CNTNAP2: variants seen among roughly 807,000 people sequenced by gnomAD.
CNTNAP2 encodes the protein contactin-associated protein-like 2.
A neutral mutation model predicts 155.2 loss-of-function variants in CNTNAP2; 98 were observed. That is an observed-to-expected ratio of 0.63 (90% CI 0.54 to 0.75). The LOEUF (loss-of-function observed/expected upper bound fraction) is 0.75. Among genes scored for constraint, CNTNAP2 ranks in the 30% least tolerant of loss-of-function variants. The pLI is 0.00. For synonymous variants in CNTNAP2, 651 were observed against 631.2 expected, an observed-to-expected ratio of 1.03 and a Z score of -0.47; for missense variants, 1,727 against 1,688.1, an observed-to-expected ratio of 1.02 and a Z score of -0.40.
intron 20 of CNTNAP2, among the ~76,000 whole-genome samples, chr7:148,263,751 G>A (rs1554409389): frequency 3.7e-4 from 51 of 138,972 alleles, no homozygotes; most frequent in African/African-American, 6.5e-4. Flanking sequence ...AAAAAAAAAA[G>A]AAAGAAAGAA....
chr7:148,032,001 C>T (rs995676225), intron 15 of CNTNAP2, among the ~76,000 whole-genome samples: 3 of 152,106 alleles, frequency 2.0e-5, no homozygotes, highest in African/African-American at 7.2e-5. Context: ...TGTTGCAAGT[C>T]GACAAATCGC....
chr7:148,044,598 T>G (rs906374650), intron 15 of CNTNAP2: 2 of 152,234 alleles, frequency 1.3e-5, no homozygotes, highest in Non-Finnish European at 2.9e-5. Context: ...CTTTGTGCCA[T>G]GTGAGGACAC....
intron 11 of CNTNAP2, among the ~76,000 whole-genome samples, chr7:147,541,898 A>G (rs1032103951): frequency 1.3e-5 from 2 of 152,154 alleles, no homozygotes; most frequent in Admixed American, 6.6e-5. Context: ...TTTGGGTAAT[A>G]AAAAATGCAA....
chr7:147,433,691 C>G (rs1295289446), intron 10 of CNTNAP2, among the ~76,000 whole-genome samples: 1 of 152,128 alleles, frequency 6.6e-6, no homozygotes, highest in Non-Finnish European at 1.5e-5. Flanking sequence ...CCTCCGTGTC[C>G]TACGAACTAC....
chr7:147,790,476 C>T (rs1333207423), intron 13 of CNTNAP2, among the ~76,000 whole-genome samples: 1 of 152,194 alleles, frequency 6.6e-6, no homozygotes, highest in Admixed American at 6.5e-5. Context: ...TATCAATTGG[C>T]TCACCTCCCT....
intron 10 of CNTNAP2, among the ~76,000 whole-genome samples, chr7:147,462,023 G>T (rs1038537740): frequency 6.6e-6 from 1 of 152,036 alleles, no homozygotes; most frequent in Non-Finnish European, 1.5e-5. Flanking sequence ...TCGATTCCCT[G>T]CATACACAAT....
intron 1 of CNTNAP2, among the ~76,000 whole-genome samples, chr7:146,472,428 A>C (rs910622161): frequency 6.6e-6 from 1 of 152,216 alleles, no homozygotes; most frequent in African/African-American, 2.4e-5. Context: ...ATGTAGCCTC[A>C]AAGTTAAAGC....
chr7:147,476,690 G>T (rs1296402308), intron 10 of CNTNAP2, among the ~76,000 whole-genome samples: 1 of 151,998 alleles, frequency 6.6e-6, no homozygotes, highest in Non-Finnish European at 1.5e-5. Context: ...ACTTTGGGAG[G>T]CCAAGGCTGG....
At chr7:147,959,794 C>T (rs1801084978) in intron 14 of CNTNAP2, among the ~76,000 whole-genome samples, 1 of 152,106 alleles carries the variant, frequency 6.6e-6, no homozygotes, top group African/African-American at 2.4e-5. Flanking sequence ...TGCCCCAGTC[C>T]TGTTTTAGCT....
chr7:146,661,439 C>T (rs1358952017), intron 1 of CNTNAP2, among the ~76,000 whole-genome samples: 1 of 152,074 alleles, frequency 6.6e-6, no homozygotes, highest in African/African-American at 2.4e-5. Flanking sequence ...AATATTCTCC[C>T]CCAATCCTTA....
chr7:146,480,792 C>T (rs1796949200), intron 1 of CNTNAP2, among the ~76,000 whole-genome samples: 1 of 150,132 alleles, frequency 6.7e-6, no homozygotes, highest in Non-Finnish European at 1.5e-5. Context: ...ACGCCATTCT[C>T]CTGCCTCAGC....
At chr7:146,856,018 G>A (rs1378925372) in intron 3 of CNTNAP2, among the ~76,000 whole-genome samples, 1 of 151,230 alleles carries the variant, frequency 6.6e-6, no homozygotes, top group African/African-American at 2.4e-5. Context: ...GGTTGTGGTC[G>A]AGAAAGAAAC....
chr7:147,145,521 A>G (rs554116818), intron 8 of CNTNAP2, among the ~76,000 whole-genome samples: 1 of 152,084 alleles, frequency 6.6e-6, no homozygotes, highest in Non-Finnish European at 1.5e-5. Flanking sequence ...CCTCTGTTGC[A>G]CTCTGGAAGT....
chr7:147,531,969 A>G (rs1359654494), intron 11 of CNTNAP2, among the ~76,000 whole-genome samples: 3 of 151,646 alleles, frequency 2.0e-5, no homozygotes, highest in Non-Finnish European at 4.4e-5. Context: ...ACCATGTCCG[A>G]CTAATTTTTT....
chr7:146,578,630 T>A (rs1005082947), intron 1 of CNTNAP2, among the ~76,000 whole-genome samples: 2 of 152,166 alleles, frequency 1.3e-5, no homozygotes, highest in Non-Finnish European at 2.9e-5. Context: ...ATTTTCTATG[T>A]GCTGTCTTTT....
chr7:146,147,280 C>T (rs1188731308), intron 1 of CNTNAP2, among the ~76,000 whole-genome samples: 1 of 152,042 alleles, frequency 6.6e-6, no homozygotes, highest in African/African-American at 2.4e-5. Context: ...GTTTTTAGTT[C>T]ATAAAGTAAG....
intron 13 of CNTNAP2, among the ~76,000 whole-genome samples, chr7:147,884,571 A>C (rs1374161771): frequency 6.6e-6 from 1 of 152,222 alleles, no homozygotes; most frequent in Non-Finnish European, 1.5e-5. Context: ...GGTTAATCAA[A>C]AGGCTAACGA....
chr7:147,054,460 T>C (rs1221136381), intron 4 of CNTNAP2, among the ~76,000 whole-genome samples: 1 of 152,150 alleles, frequency 6.6e-6, no homozygotes, highest in African/African-American at 2.4e-5. Context: ...TATATGTTAA[T>C]TTTTATTTAT....
At chr7:147,231,821 C>T (rs1803687284) in intron 8 of CNTNAP2, among the ~76,000 whole-genome samples, 1 of 152,134 alleles carries the variant, frequency 6.6e-6, no homozygotes, top group Non-Finnish European at 1.5e-5. Flanking sequence ...ATGATTTGGA[C>T]ATTAACTCCT....
Sources: allele counts gnomAD v4.1 joint callset (sites outside exome capture counted in the v4.1 genomes callset), GRCh38; gene constraint gnomAD v4.1.1; transcripts MANE v1.5; gene names NCBI Gene and HGNC (gene_info 2026-07-23, HGNC 2026-07-21).